Variants in PCDH11X observed in about 807,000 individuals in gnomAD.
PCDH11X encodes protocadherin-11 X-linked.
Under a neutral mutation model 53.3 loss-of-function variants are expected in PCDH11X, and 18 were observed. The observed-to-expected ratio is 0.34, with a 90% CI of 0.23 to 0.50. The LOEUF (loss-of-function observed/expected upper bound fraction) is 0.50. PCDH11X is among the 20% of genes least tolerant of loss of function. The pLI is 0.98. For synonymous variants in PCDH11X, 279 were observed against 393.3 expected (o/e 0.71, Z 3.44); for missense variants, 570 against 1,032.4 (o/e 0.55, Z 6.14).
intron 10 of PCDH11X, among the ~76,000 whole-genome samples, chrX:92,582,350 G>A (rs939178605): frequency 3.3e-4 from 36 of 109,749 alleles, no homozygotes; most frequent in Non-Finnish European, 1.3e-4. Context: ...TTGGTTCTCT[G>A]TGTCCCAGCT....
intron 6 of PCDH11X, among the ~76,000 whole-genome samples, chrX:91,951,037 G>A (rs761293912): frequency 9.0e-6 from 1 of 111,115 alleles, no homozygotes; most frequent in African/African-American, 3.3e-5. Context: ...TCAACTACAG[G>A]CATTTATGAC....
chrX:92,496,668 T>C (rs1299706627), intron 10 of PCDH11X, among the ~76,000 whole-genome samples: 1 of 107,347 alleles, frequency 9.3e-6, no homozygotes, highest in Non-Finnish European at 1.9e-5. Flanking sequence ...ACCAAAGTAA[T>C]TCCACCTTTC....
At chrX:92,596,225 G>T (rs1235308234) in intron 10 of PCDH11X, among the ~76,000 whole-genome samples, 2 of 112,132 alleles carry the variant, frequency 1.8e-5, no homozygotes, top group East Asian at 5.6e-4. Flanking sequence ...CGCGCAGATG[G>T]CTGCAAAGCA....
chrX:92,502,011 T>C (rs1334582256), intron 10 of PCDH11X, among the ~76,000 whole-genome samples: 2 of 111,074 alleles, frequency 1.8e-5, no homozygotes. Flanking sequence ...GATAAGCAAC[T>C]TCAGCAAAGT....
chrX:91,924,413 C>T (rs1474149397), intron 6 of PCDH11X, among the ~76,000 whole-genome samples: 1 of 111,188 alleles, frequency 9.0e-6, no homozygotes, highest in Non-Finnish European at 1.9e-5. Flanking sequence ...GCCAACACCT[C>T]CATTTTAGCC....
intron 7 of PCDH11X, among the ~76,000 whole-genome samples, chrX:92,211,801 G>A (rs977333515): frequency 9.0e-6 from 1 of 110,898 alleles, no homozygotes; most frequent in Non-Finnish European, 1.9e-5. Flanking sequence ...TTGAGTTTTT[G>A]TTTTGTTTTG....
At chrX:91,883,541 C>T in intron 6 of PCDH11X, 1 of 746,629 alleles carries the variant, frequency 1.3e-6, no homozygotes, top group Non-Finnish European at 1.6e-6. Context: ...CGCGGTGGCT[C>T]ACGCCTGTAA....
intron 10 of PCDH11X, among the ~76,000 whole-genome samples, chrX:92,525,070 T>C (rs1385098695): frequency 1.8e-5 from 2 of 111,951 alleles, no homozygotes; most frequent in Non-Finnish European, 3.8e-5. Context: ...ATGTCTTCAA[T>C]CAACCCACAA....
chrX:92,122,244 A>G (rs2148180708), intron 6 of PCDH11X, among the ~76,000 whole-genome samples: 1 of 111,036 alleles, frequency 9.0e-6, no homozygotes, highest in African/African-American at 3.3e-5. Context: ...CAGCCTCCAA[A>G]GTGCTGGAAT....
chrX:92,129,994 A>C (rs899993761), intron 6 of PCDH11X, among the ~76,000 whole-genome samples: 5 of 112,126 alleles, frequency 4.5e-5, no homozygotes, highest in African/African-American at 1.3e-4. Context: ...ACATGCACAC[A>C]CACACATTTC....
At chrX:92,003,602 T>C (rs757640796) in intron 6 of PCDH11X, among the ~76,000 whole-genome samples, 1 of 100,793 alleles carries the variant, frequency 9.9e-6, no homozygotes, top group Admixed American at 1.1e-4. Flanking sequence ...TTTGGATTTC[T>C]TCTTGGTTCA....
chrX:92,304,236 G>T (rs1468055476), intron 8 of PCDH11X, among the ~76,000 whole-genome samples: 13 of 107,918 alleles, frequency 1.2e-4, no homozygotes, highest in Non-Finnish European at 7.7e-5. Context: ...TTTATTGAAG[G>T]CTTTTACTCT....
At chrX:91,855,267 A>G (rs1349982614) in intron 5 of PCDH11X, among the ~76,000 whole-genome samples, 5 of 111,618 alleles carry the variant, frequency 4.5e-5, no homozygotes, top group Non-Finnish European at 7.5e-5. Flanking sequence ...ATTTTCCCCA[A>G]TGTATGTTTT....
Position 92,213,854 on chromosome X carries a change from A to G in PCDH11X, c.3114+12399A>G, listed in dbSNP as rs758852752. Among the ~76,000 whole-genome samples, 8 of 109,781 alleles carry G rather than the reference A, an allele frequency of 7.3e-5. No individual in the cohort carries two copies. In the East Asian group the frequency reaches 1.4e-3, roughly 19 times the overall value. On this transcript the variant is annotated intron_variant, in intron 7 of 10. Transcript: ENST00000682573. ...AATTTAAGCACTATTCAACATAATA[A>G]TAAATCAAATGAATAAAATATGGAG...
chrX:92,503,021 T>G (rs375189187), intron 10 of PCDH11X, among the ~76,000 whole-genome samples: 1 of 105,594 alleles, frequency 9.5e-6, no homozygotes. Context: ...GAACTTAAAT[T>G]TACAAGAAAA....
At position 92,318,769 on chromosome X, in the gene PCDH11X, C is replaced by T. The variant is rs183068562; in HGVS notation, c.3144+55626C>T. ...TGTCTAGAACAAAATTAAAAGAATA[C>T]CATCCAAGGTAAAGGCAAACAATTC... On this transcript the variant is annotated intron_variant, in intron 8 of 10. Transcript: ENST00000682573. 3.3e-3 allele frequency among the ~76,000 whole-genome samples: 367 copies of T among 111,152 alleles called. 2 individuals are homozygous for T. The highest frequency in any genetic ancestry group is 0.012 in the African/African-American group (359 of 30,619).
intron 8 of PCDH11X, among the ~76,000 whole-genome samples, chrX:92,352,613 G>T (rs2148528144): frequency 9.1e-6 from 1 of 110,298 alleles, no homozygotes; most frequent in African/African-American, 3.3e-5. Context: ...CATTTGGTAG[G>T]CTATGTCAGA....
Position 91,920,779 on chromosome X carries a change from G to A in PCDH11X, c.3033+41506G>A, listed in dbSNP as rs779421000. Among the ~76,000 whole-genome samples, 346 of 110,187 alleles carry A rather than the reference G, an allele frequency of 3.1e-3. 2 individuals are homozygous for A. Among genetic ancestry groups the A allele is most frequent in the African/African-American group, 0.011 (335 of 30,348 alleles). On this transcript the variant is annotated intron_variant, in intron 6 of 10. Coordinates refer to ENST00000682573, the MANE Select transcript of PCDH11X (RefSeq NM_032968.5). ...TTTCTCTCATAAATATAATTCTACT[G>A]TTATGTTAGTATGTTCATAATTTGA... is the stretch of plus-strand genomic sequence containing the variant.
chrX:92,337,515 G>A (rs1418149478), intron 8 of PCDH11X, among the ~76,000 whole-genome samples: 3 of 110,801 alleles, frequency 2.7e-5, no homozygotes, highest in African/African-American at 9.9e-5. Flanking sequence ...TCTTGGTCTT[G>A]GGATACAGAG....
Sources: gnomAD v4.1 joint callset for allele counts (sites outside exome capture counted in the v4.1 genomes callset) on GRCh38, gnomAD v4.1.1 for gene constraint, MANE v1.5 for transcripts, NCBI Gene and HGNC (gene_info 2026-07-23, HGNC 2026-07-21) for gene names.